The following HERC1 variants were observed in gnomAD, a reference collection of about 807,000 sequenced individuals.
HERC1 encodes probable E3 ubiquitin-protein ligase HERC1.
In HERC1, 160 loss-of-function variants were observed where a neutral mutation model predicts 554.3. The ratio of observed to expected loss-of-function variants is 0.29; its 90% confidence interval spans 0.25 to 0.33. The LOEUF (loss-of-function observed/expected upper bound fraction) is 0.33, where lower values mean the gene tolerates loss of function less well. Ranked by LOEUF, HERC1 falls within the 10% of genes least tolerant of loss-of-function variation. The pLI, the probability that HERC1 is intolerant of heterozygous loss-of-function variation, is 1.00. For synonymous variants in HERC1, 2,175 were observed against 2,131.7 expected, an observed-to-expected ratio of 1.02 and a Z score of -0.56; for missense variants, 4,919 against 5,918.5, an observed-to-expected ratio of 0.83 and a Z score of 5.54.
chr15:63,613,067 AAAG>A (rs2067670778), intron 76 of HERC1, among the ~76,000 whole-genome samples: 1 of 152,160 alleles, frequency 6.6e-6, no homozygotes, highest in Non-Finnish European at 1.5e-5. Flanking sequence ...TGAAAAGTAC[AAAG>A]AAGAAAGTAA....
Position 63,649,837 on chromosome 15 carries a change from C to G in HERC1, c.10635G>C (p.Glu3545Asp), listed in dbSNP as rs755266133. The G allele has an allele frequency of 6.2e-7, 1 of 1,613,292 alleles. No homozygotes were observed. Among genetic ancestry groups the G allele is most frequent in the East Asian group, 2.2e-5 (1 of 44,838 alleles). ...EEGPATAWSG[E>D]SPELLLVGRM... ...GTCCCACCAACAACAATTCTGGAGA[C>G]TCTCCTGACCAGGCTGTAGCCGGAC... The change falls in exon 54 of 78, where the codon GAG becomes GAC. Residue 3545 changes from glutamate to aspartate, a missense_variant. Physicochemically the swap from Glu to Asp is conservative, Grantham distance 45. Around this residue, in one of 11 missense-constraint regions of HERC1, gnomAD observed 1,963 missense variants for 2,228.6 expected, o/e 0.88. Transcript: ENST00000443617.
intron 77 of HERC1, among the ~76,000 whole-genome samples, chr15:63,611,656 C>G (rs1182046731): frequency 2.6e-5 from 4 of 152,182 alleles, no homozygotes; most frequent in Non-Finnish European, 5.9e-5. Context: ...TATGATGATC[C>G]TTCTGCCAAG....
At chr15:63,637,470 G>C in intron 64 of HERC1, 35 bp downstream of exon 64, 1 of 1,546,154 alleles carries the variant, frequency 6.5e-7, no homozygotes, top group Non-Finnish European at 8.8e-7. Context: ...TTAGGCCTTA[G>C]GTTCTAACCA....
At chr15:63,704,253 C>T (rs1407931465) in intron 25 of HERC1, among the ~76,000 whole-genome samples, 2 of 152,126 alleles carry the variant, frequency 1.3e-5, no homozygotes, top group Admixed American at 1.3e-4. Context: ...ATATCCATGC[C>T]TAAGTAATTC....
At chr15:63,809,920 T>C (rs1040192883) in intron 1 of HERC1, among the ~76,000 whole-genome samples, 10 of 151,984 alleles carry the variant, frequency 6.6e-5, no homozygotes, top group African/African-American at 2.2e-4. Flanking sequence ...GTTTAAGCAA[T>C]CCTGCCTCAG....
chr15:63,777,505 T>C (rs1440906753), intron 1 of HERC1, among the ~76,000 whole-genome samples: 2 of 152,230 alleles, frequency 1.3e-5, no homozygotes. Context: ...TAATTTGTAT[T>C]TCTCTGATTA....
chr15:63,736,041 T>A (rs1178829335), intron 12 of HERC1, among the ~76,000 whole-genome samples: 1 of 151,510 alleles, frequency 6.6e-6, no homozygotes, highest in Non-Finnish European at 1.5e-5. Flanking sequence ...GTGGGATAAG[T>A]CAAAAAGACC....
chr15:63,702,607 G>C (rs550975356), intron 25 of HERC1, among the ~76,000 whole-genome samples: 2 of 152,116 alleles, frequency 1.3e-5, no homozygotes, highest in East Asian at 3.9e-4. Context: ...TTTTATCAAA[G>C]TACCAAATTA....
Position 63,655,914 on chromosome 15 carries a change from A to G in HERC1, c.9912T>C (p.Val3304=). Residue 3304 remains valine, a synonymous_variant, in exon 50 of 78, where the codon GTT becomes GTC. Coordinates refer to ENST00000443617, the MANE Select transcript of HERC1 (RefSeq NM_003922.4). ...SAATGVNLTT[V]DDSIQRKFLP... ...GAAACTTTCGCTGAATTGAGTCATCAACTGTGGTTAGATTTACACCTGTTG... is the reference window on the plus strand; with the variant it reads ...GAAACTTTCGCTGAATTGAGTCATCGACTGTGGTTAGATTTACACCTGTTG... 1.2e-6 allele frequency: 2 copies of G among 1,613,158 alleles called. No homozygotes were observed. The highest frequency in any genetic ancestry group is 1.7e-6 in the Non-Finnish European group (2 of 1,179,570).
chr15:63,778,984 T>C (rs1480861113), intron 1 of HERC1, among the ~76,000 whole-genome samples: 5 of 151,210 alleles, frequency 3.3e-5, no homozygotes, highest in African/African-American at 4.9e-5. Context: ...AAAGAGGTAA[T>C]TGAACTCAGG....
intron 59 of HERC1, among the ~76,000 whole-genome samples, chr15:63,642,287 T>C (rs918833919): frequency 1.3e-5 from 2 of 152,204 alleles, no homozygotes; most frequent in Non-Finnish European, 2.9e-5. Context: ...TTTGTATACT[T>C]AGTTAAATGT....
intron 52 of HERC1, among the ~76,000 whole-genome samples, chr15:63,651,764 C>T (rs931794215): frequency 2.0e-5 from 3 of 152,132 alleles, no homozygotes; most frequent in Non-Finnish European, 4.4e-5. Flanking sequence ...TGCGGCTGGG[C>T]GTAGTGGCTC....
chr15:63,720,471 A>G (rs1188116908), intron 19 of HERC1, among the ~76,000 whole-genome samples: 1 of 152,164 alleles, frequency 6.6e-6, no homozygotes, highest in Non-Finnish European at 1.5e-5. Context: ...CACGCTTGAA[A>G]AATTTTTAGC....
At chr15:63,656,762 A>G (rs962885986) in intron 48 of HERC1, among the ~76,000 whole-genome samples, 4 of 152,234 alleles carry the variant, frequency 2.6e-5, no homozygotes, top group Admixed American at 6.5e-5. Flanking sequence ...TTCTAAAGCT[A>G]CAAGTTAGTT....
intron 1 of HERC1, among the ~76,000 whole-genome samples, chr15:63,795,569 T>C (rs1261630623): frequency 6.6e-6 from 1 of 152,224 alleles, no homozygotes; most frequent in African/African-American, 2.4e-5. Flanking sequence ...AGATATTTCA[T>C]GTTTGCCCAT....
chr15:63,668,497 C>T (rs950655722), intron 40 of HERC1, among the ~76,000 whole-genome samples: 1 of 152,084 alleles, frequency 6.6e-6, no homozygotes, highest in Non-Finnish European at 1.5e-5. Context: ...AACAAACAAA[C>T]AAACAAACAA....
At chr15:63,681,486 T>C (rs774666414) in intron 34 of HERC1, among the ~76,000 whole-genome samples, 14 of 152,120 alleles carry the variant, frequency 9.2e-5, no homozygotes, top group South Asian at 4.1e-4. Flanking sequence ...CATCAGCCAC[T>C]ACACCTAGTG....
At chr15:63,757,604 C>T (rs1417399075) in intron 4 of HERC1, among the ~76,000 whole-genome samples, 4 of 151,892 alleles carry the variant, frequency 2.6e-5, no homozygotes, top group Admixed American at 6.6e-5. Context: ...GTGAACATAA[C>T]GGTAAAGTCT....
intron 69 of HERC1, among the ~76,000 whole-genome samples, chr15:63,629,215 G>C (rs1336385647): frequency 1.3e-5 from 2 of 152,160 alleles, no homozygotes; most frequent in Non-Finnish European, 2.9e-5. Flanking sequence ...CTCCCAAAGT[G>C]CTGGGATTAC....
Sources: gnomAD v4.1 joint callset for allele counts (sites outside exome capture counted in the v4.1 genomes callset) on GRCh38, gnomAD v4.1.1 for gene constraint, gnomAD v4.1.1 regional missense constraint, MANE v1.5 for transcripts, NCBI Gene and HGNC (gene_info 2026-07-23, HGNC 2026-07-21) for gene names.